Variants in INTS6 observed in about 807,000 individuals in gnomAD.
INTS6 encodes the protein DEAD box protein.
Under a neutral mutation model 104.9 loss-of-function variants are expected in INTS6, and 16 were observed. That is an observed-to-expected ratio of 0.15 (90% confidence interval 0.10 to 0.23). The LOEUF is 0.23. Among genes scored for constraint, INTS6 ranks in the 10% least tolerant of loss-of-function variants. INTS6 has a pLI of 1.00. For synonymous variants in INTS6, 324 were observed against 358.7 expected (o/e 0.90, Z 1.09); for missense variants, 584 against 1,062.8 (o/e 0.55, Z 6.26).
In INTS6 at chr13:51,364,496, C is replaced by T. The variant is rs975863153; in HGVS notation, c.*1256G>A. On this transcript the variant is annotated 3_prime_UTR_variant, in exon 18 of 18. Coordinates refer to ENST00000311234, the MANE Select transcript of INTS6 (RefSeq NM_012141.3). The stretch of plus-strand genomic sequence containing the variant: ...AAATCTATTTTGACCTTCTTTTCTA[C>T]TGCTTACCCCCCAAACCACTAAAAG... 9 of 453,594 alleles carry T rather than the reference C, an allele frequency of 2.0e-5. No individual in the cohort carries two copies. Among genetic ancestry groups the T allele is most frequent in the Non-Finnish European group, 3.1e-5 (8 of 257,052 alleles). The allele number at this position is 453,594 out of a possible 1,614,324, so 28.1% of individuals were successfully genotyped here. A position where few individuals can be genotyped will look rare whatever the true frequency, so the allele number is the denominator to read the frequency against.
chr13:51,438,382 C>T (rs1467621488), intron 3 of INTS6: 3 of 151,764 alleles, frequency 2.0e-5, no homozygotes, highest in Non-Finnish European at 4.4e-5. Context: ...GCCTTCCTAA[C>T]TATACATACA....
chr13:51,351,090 C>A (rs1955398360), downstream of INTS6, among the ~76,000 whole-genome samples: 1 of 152,088 alleles, frequency 6.6e-6, no homozygotes, highest in Admixed American at 6.6e-5. Context: ...CTTGTTTTAA[C>A]TTCTTGGCCA....
chr13:51,378,119 A>G (rs1432637307), intron 12 of INTS6, 120 bp downstream of exon 12: 2 of 723,232 alleles, frequency 2.8e-6, no homozygotes, highest in Admixed American at 4.3e-5. Flanking sequence ...TTAGTCTACA[A>G]GAGTACAGAA....
downstream of INTS6, among the ~76,000 whole-genome samples, chr13:51,353,777 T>A (rs1025935085): frequency 1.5e-4 from 23 of 152,338 alleles, no homozygotes; most frequent in South Asian, 2.1e-4. Flanking sequence ...TGTATAGCAA[T>A]GAAGACCTTT....
intron 4 of INTS6, chr13:51,421,371 A>C: frequency 1.2e-6 from 1 of 843,640 alleles, no homozygotes; most frequent in Non-Finnish European, 1.4e-6. Context: ...ACAACAAACA[A>C]AACAAAGGGG....
intron 3 of INTS6, chr13:51,439,233 A>G (rs1372442724): frequency 6.6e-6 from 1 of 152,186 alleles, no homozygotes; most frequent in African/African-American, 2.4e-5. Flanking sequence ...GACCTTCACT[A>G]GGAGTCCCAC....
At chr13:51,367,272 A>G (rs1955711131) in intron 17 of INTS6, among the ~76,000 whole-genome samples, 2 of 151,956 alleles carry the variant, frequency 1.3e-5, no homozygotes, top group Admixed American at 6.6e-5. Context: ...ACAACCATCC[A>G]TTTCCCCGCC....
At position 51,376,271 on chromosome 13, in the gene INTS6, T is replaced by C. The variant is rs1246237839; in HGVS notation, c.1603-97A>G. The C allele has an allele frequency of 7.8e-6, 7 of 900,904 alleles. No homozygotes were observed. In the Admixed American group the frequency reaches 2.0e-4, roughly 25 times the overall value. 55.8% of individuals were successfully genotyped at this position (900,904 alleles called of 1,614,324 possible). A position where few individuals can be genotyped will look rare whatever the true frequency, so the allele number is the denominator to read the frequency against. ...GCAGCATAGGTTTGGAAATAAGATA[T>C]ATAAACTGGTTAGCTTAAAAAAAAT... On this transcript the variant is annotated intron_variant, in intron 12 of 17. Transcript: ENST00000311234.
At chr13:51,391,678 A>C (rs1386758491) in intron 5 of INTS6, among the ~76,000 whole-genome samples, 1 of 152,212 alleles carries the variant, frequency 6.6e-6, no homozygotes, top group Admixed American at 6.5e-5. Flanking sequence ...GGTTATGTAG[A>C]GTCCACAAAA....
intron 3 of INTS6, chr13:51,438,199 A>C (rs1412577901): frequency 6.6e-6 from 1 of 152,200 alleles, no homozygotes; most frequent in African/African-American, 2.4e-5. Context: ...AAAAGTTTCT[A>C]AGAATCCTTT....
intron 4 of INTS6, among the ~76,000 whole-genome samples, chr13:51,421,574 G>T (rs1197281314): frequency 6.6e-6 from 1 of 152,004 alleles, no homozygotes; most frequent in Non-Finnish European, 1.5e-5. Context: ...CATCTGAAAA[G>T]AACAAGTGAA....
intron 4 of INTS6, among the ~76,000 whole-genome samples, chr13:51,418,260 CA>C (rs1205681714): frequency 1.3e-5 from 2 of 151,900 alleles, no homozygotes; most frequent in African/African-American, 4.8e-5. Context: ...AACCATTTTC[CA>C]ATTGTTTTGC....
At chr13:51,409,188 T>C (rs768046076) in intron 4 of INTS6, among the ~76,000 whole-genome samples, 1 of 151,080 alleles carries the variant, frequency 6.6e-6, no homozygotes. Flanking sequence ...CTGGGCACAG[T>C]GGAGGCAGAG....
chr13:51,450,023 C>A, intron 3 of INTS6: 3 of 985,130 alleles, frequency 3.0e-6, no homozygotes, highest in Non-Finnish European at 3.6e-6. Flanking sequence ...AGAAACAAGT[C>A]AATTTCCTTC....
chr13:51,452,503 A>G lies in INTS6; in HGVS notation c.23T>C (p.Ile8Thr). 1 of 1,610,592 alleles carries G rather than the reference A, an allele frequency of 6.2e-7. No individual in the cohort carries two copies. ...CTGGTTCATAGAGGCAGACGTGTCT[A>G]TCAGGAACAGTAAGATGGGCATAGT... MPILLFL[I>T]DTSASMNQRS... is the part of the protein sequence containing the mutation. The change falls in exon 1 of 18, where the codon ATA becomes ACA. Residue 8 changes from isoleucine (I) to threonine (T), a missense_variant. Transcript: ENST00000311234. This position sits in a 1 kb window ranked among gnomAD's most constrained non-coding sequence, Gnocchi z 4.2.
chr13:51,431,011 G>C, intron 3 of INTS6, among the ~76,000 whole-genome samples: 1 of 152,128 alleles, frequency 6.6e-6, no homozygotes, highest in Non-Finnish European at 1.5e-5. Context: ...AATAGTGGTA[G>C]CAAAAGCAAT....
chr13:51,411,214 A>AAAATAAAT (rs71085083), intron 4 of INTS6, among the ~76,000 whole-genome samples: 7,717 of 142,952 alleles, frequency 0.054, 239 homozygotes, highest in Middle Eastern at 0.072. Flanking sequence ...CTTTGTCTCA[A>AAAATAAAT]AAATAAATAA....
Position 51,452,782 on chromosome 13 carries a change from C to T in INTS6, c.-257G>A. On this transcript the variant is annotated 5_prime_UTR_variant, in exon 1 of 18. Transcript: ENST00000311234. This position sits in a 1 kb window ranked among gnomAD's most constrained non-coding sequence, Gnocchi z 4.2. The stretch of plus-strand genomic sequence containing the variant: ...CCTGCCTGCCCGCTGGGGCGGGCGC[C>T]CAGCCGTCTGTCTGTCGGTTCGTCC... 8.3e-7 allele frequency: 1 copy of T among 1,208,036 alleles called. No homozygotes were observed. The highest frequency in any genetic ancestry group is 1.0e-6 in the Non-Finnish European group (1 of 965,826). The allele number at this position is 1,208,036 out of a possible 1,614,324, so 74.8% of individuals were successfully genotyped here. A position where few individuals can be genotyped will look rare whatever the true frequency, so the allele number is the denominator to read the frequency against.
chr13:51,413,965 C>T (rs1956736414), intron 4 of INTS6, among the ~76,000 whole-genome samples: 1 of 152,138 alleles, frequency 6.6e-6, no homozygotes, highest in African/African-American at 2.4e-5. Context: ...TTAAACCCCC[C>T]AAATTTTAAC....
Sources: allele counts gnomAD v4.1 joint callset (sites outside exome capture counted in the v4.1 genomes callset), GRCh38; gene constraint gnomAD v4.1.1; non-coding constraint Gnocchi (gnomAD v3.1); transcripts MANE v1.5; gene names NCBI Gene and HGNC (gene_info 2026-07-23, HGNC 2026-07-21).